PCED1B: variants seen among roughly 807,000 people sequenced by gnomAD.
PCED1B encodes PC-esterase domain containing 1B, also known as PC-esterase domain-containing protein 1B.
For synonymous variants in PCED1B, 251 were observed against 246.1 expected, an observed-to-expected ratio of 1.02 and a Z score of -0.19; for missense variants, 573 against 573.9, an observed-to-expected ratio of 1.00 and a Z score of 0.02.
intron 2 of PCED1B, among the ~76,000 whole-genome samples, chr12:47,145,875 T>C (rs1302829769): frequency 5.3e-5 from 8 of 152,234 alleles, no homozygotes; most frequent in Non-Finnish European, 8.8e-5. Flanking sequence ...CTGCAGCCCA[T>C]GGATCAAGGA....
At chr12:47,207,710 C>T (rs1309994599) in intron 2 of PCED1B, among the ~76,000 whole-genome samples, 1 of 152,204 alleles carries the variant, frequency 6.6e-6, no homozygotes, top group Non-Finnish European at 1.5e-5. Context: ...GACACAATCA[C>T]AACTTAAAGA....
intron 2 of PCED1B, among the ~76,000 whole-genome samples, chr12:47,132,405 C>T (rs1000622286): frequency 1.3e-5 from 2 of 152,020 alleles, no homozygotes; most frequent in Non-Finnish European, 2.9e-5. Flanking sequence ...AAAATTTTTT[C>T]CTCTGCAACA....
intron 1 of PCED1B, among the ~76,000 whole-genome samples, chr12:47,102,090 T>C (rs145074566): frequency 1.4e-3 from 212 of 152,342 alleles, no homozygotes; most frequent in Middle Eastern, 3.4e-3. Flanking sequence ...TTTACCAAAT[T>C]ATCCTTTTAA....
chr12:47,203,929 A>G (rs1265035369), intron 2 of PCED1B, among the ~76,000 whole-genome samples: 1 of 152,220 alleles, frequency 6.6e-6, no homozygotes, highest in Admixed American at 6.5e-5. Context: ...ACTAATTTAT[A>G]TGCCCACCAA....
intron 2 of PCED1B, among the ~76,000 whole-genome samples, chr12:47,133,211 A>G (rs1270493884): frequency 6.6e-6 from 1 of 152,154 alleles, no homozygotes; most frequent in Non-Finnish European, 1.5e-5. Context: ...TGATAAGCTA[A>G]ATTAAAAGAG....
intron 2 of PCED1B, among the ~76,000 whole-genome samples, chr12:47,134,867 A>C (rs1036831811): frequency 2.0e-5 from 3 of 152,212 alleles, no homozygotes; most frequent in African/African-American, 7.2e-5. Flanking sequence ...ACTCTATCTC[A>C]AAAAGATATA....
intron 2 of PCED1B, among the ~76,000 whole-genome samples, chr12:47,178,284 C>T (rs966101677): frequency 3.9e-5 from 6 of 152,116 alleles, no homozygotes; most frequent in African/African-American, 7.2e-5. Context: ...GGAAGTGCAG[C>T]GGGAGGAGGA....
At position 47,163,153 on chromosome 12, in the gene PCED1B, G is replaced by C. The variant is rs186630501; in HGVS notation, c.-525-53069G>C. On this transcript the variant is annotated intron_variant, in intron 2 of 3. Coordinates refer to ENST00000546455, the MANE Select transcript of PCED1B (RefSeq NM_138371.3). ...TATTTACATTTTTTCTCACTTGTTA[G>C]TATGTAAGTATTTAATTCTTTTTGA... Among the ~76,000 whole-genome samples, 4 of 151,874 alleles carry C rather than the reference G, an allele frequency of 2.6e-5. No individual in the cohort carries two copies. In the East Asian group the frequency reaches 7.7e-4, roughly 29 times the overall value.
chr12:47,120,941 G>A (rs1939651164), intron 2 of PCED1B, among the ~76,000 whole-genome samples: 1 of 152,114 alleles, frequency 6.6e-6, no homozygotes, highest in Admixed American at 6.5e-5. Context: ...GTTCTTAACA[G>A]GAAAATCTAT....
chr12:47,199,802 C>T (rs1942710884), intron 2 of PCED1B, among the ~76,000 whole-genome samples: 1 of 152,132 alleles, frequency 6.6e-6, no homozygotes, highest in Non-Finnish European at 1.5e-5. Context: ...TCTAGGTGAC[C>T]TTGTGTTTAG....
chr12:47,100,911 TA>T (rs1029775734), intron 1 of PCED1B, among the ~76,000 whole-genome samples: 1 of 151,534 alleles, frequency 6.6e-6, no homozygotes, highest in Non-Finnish European at 1.5e-5. Context: ...CTATTAAAAA[TA>T]AAAAAAATTA....
chr12:47,149,662 T>A (rs1303714002), intron 2 of PCED1B, among the ~76,000 whole-genome samples: 1 of 152,246 alleles, frequency 6.6e-6, no homozygotes, highest in Non-Finnish European at 1.5e-5. Flanking sequence ...TTTGTTTTAA[T>A]AGCTTTTTCT....
intron 1 of PCED1B, among the ~76,000 whole-genome samples, chr12:47,084,509 T>C (rs562510101): frequency 6.6e-6 from 1 of 152,218 alleles, no homozygotes; most frequent in African/African-American, 2.4e-5. Flanking sequence ...TAATGTACTT[T>C]CTGTTTCTAT....
intron 2 of PCED1B, among the ~76,000 whole-genome samples, chr12:47,110,937 C>T (rs555981528): frequency 2.2e-4 from 34 of 152,144 alleles, no homozygotes; most frequent in Non-Finnish European, 4.4e-4. Flanking sequence ...GTTCAAAAAC[C>T]ATATGCAGCA....
chr12:47,217,470 G>GAAAAAGAAAGAAAA (rs1555155044), intron 3 of PCED1B, among the ~76,000 whole-genome samples: 1,794 of 90,746 alleles, frequency 0.02, 124 homozygotes, highest in African/African-American at 0.03. Flanking sequence ...AAGAAAGAAA[G>GAAAAAGAAAGAAAA]AGAAAGAAAG....
At chr12:47,135,096 T>C (rs1319079011) in intron 2 of PCED1B, among the ~76,000 whole-genome samples, 1 of 152,160 alleles carries the variant, frequency 6.6e-6, no homozygotes, top group Non-Finnish European at 1.5e-5. Flanking sequence ...CTGATAGGAA[T>C]TGGTCATTTA....
In PCED1B at chr12:47,234,990, C is replaced by A; in HGVS notation, c.-57-17C>A. 1.4e-6 allele frequency: 2 copies of A among 1,401,428 alleles called. No individual in the cohort carries two copies. The highest frequency in any genetic ancestry group is 1.9e-6 in the Non-Finnish European group (2 of 1,041,854). 86.8% of individuals were successfully genotyped at this position (1,401,428 alleles called of 1,614,324 possible). On this transcript the variant is annotated splice_polypyrimidine_tract_variant and intron_variant, in intron 3 of 3. Transcript: ENST00000546455. ...CAGAGGTGAGTCCCTCCCAGCCCTTCTCTCCTTCTGTCCTAGCCATCCGCA... is the reference window on the plus strand; with the variant it reads ...CAGAGGTGAGTCCCTCCCAGCCCTTATCTCCTTCTGTCCTAGCCATCCGCA...
Position 47,234,941 on chromosome 12 carries a change from C to G in PCED1B, c.-57-66C>G, listed in dbSNP as rs537641560. The G allele has an allele frequency of 2.1e-4, 180 of 874,768 alleles. No individual in the cohort carries two copies. In the African/African-American group the frequency reaches 2.5e-3, roughly 12 times the overall value. 54.2% of individuals were successfully genotyped at this position (874,768 alleles called of 1,614,324 possible). ...CCCCTTCCCCATGGTCTCCCTACCC[C>G]CAACCTGCACTGGGCGCTCCGCCCA... On this transcript the variant is annotated intron_variant, in intron 3 of 3. Coordinates refer to ENST00000546455, the MANE Select transcript of PCED1B (RefSeq NM_138371.3).
At chr12:47,171,878 T>TC (rs1160293714) in intron 2 of PCED1B, among the ~76,000 whole-genome samples, 86 of 148,038 alleles carry the variant, frequency 5.8e-4, no homozygotes, top group African/African-American at 1.8e-3. Flanking sequence ...TTCTTCTTCT[T>TC]TTCTTCTTCT....
Sources: allele counts gnomAD v4.1 joint callset (sites outside exome capture counted in the v4.1 genomes callset), GRCh38; gene constraint gnomAD v4.1.1; transcripts MANE v1.5; gene names NCBI Gene and HGNC (gene_info 2026-07-23, HGNC 2026-07-21).